TBC1D14: variants seen among roughly 807,000 people sequenced by gnomAD.
TBC1D14 encodes the protein TBC1 domain family, member 14.
In TBC1D14, 26 loss-of-function variants were observed where a neutral mutation model predicts 79.0. That is an observed-to-expected ratio of 0.33 (90% CI 0.24 to 0.46). TBC1D14 has a LOEUF of 0.46. TBC1D14 is among the 20% of genes least tolerant of loss of function. The pLI is 1.00. For synonymous variants in TBC1D14, 394 were observed against 349.9 expected (o/e 1.13, Z -1.40); for missense variants, 769 against 887.6 (o/e 0.87, Z 1.70).
chr4:6,941,824 C>A (rs1458421894), intron 2 of TBC1D14, among the ~76,000 whole-genome samples: 2 of 152,200 alleles, frequency 1.3e-5, no homozygotes, highest in Non-Finnish European at 2.9e-5. Flanking sequence ...TGCAGGCAGC[C>A]TCAGGAAACA....
At chr4:6,936,311 G>A (rs994862283) in intron 2 of TBC1D14, among the ~76,000 whole-genome samples, 4 of 152,166 alleles carry the variant, frequency 2.6e-5, no homozygotes, top group Admixed American at 6.5e-5. Context: ...CCACCTGTCC[G>A]TCTCTCTTTT....
At chr4:6,914,150 AG>A (rs1723211752) in intron 1 of TBC1D14, among the ~76,000 whole-genome samples, 1 of 151,382 alleles carries the variant, frequency 6.6e-6, no homozygotes, top group African/African-American at 2.4e-5. Context: ...AAAAAAAAAA[AG>A]TTCCACCTGT....
chr4:6,975,626 T>G (rs1244979536), intron 3 of TBC1D14, among the ~76,000 whole-genome samples: 3 of 152,172 alleles, frequency 2.0e-5, no homozygotes, highest in Non-Finnish European at 4.4e-5. Context: ...GGGTGCACAC[T>G]TCTGAGATGG....
intron 3 of TBC1D14, among the ~76,000 whole-genome samples, chr4:6,986,035 C>T (rs1285634383): frequency 6.6e-6 from 1 of 152,178 alleles, no homozygotes; most frequent in African/African-American, 2.4e-5. Flanking sequence ...CAAAAAAGTT[C>T]CTTCGTGCCT....
rs113884703 is a variant in TBC1D14 at position 6,993,989 on chromosome 4, G to A, written c.844-195G>A. ...CATGTCATTGCACTCCAGCCTGGGCGACAGAGCGAGACTCCATCTCCAGAA... is the reference window on the plus strand; with the variant it reads ...CATGTCATTGCACTCCAGCCTGGGCAACAGAGCGAGACTCCATCTCCAGAA... On this transcript the variant is annotated intron_variant, in intron 3 of 13. Coordinates refer to ENST00000409757, the MANE Select transcript of TBC1D14 (RefSeq NM_020773.3). Among the ~76,000 whole-genome samples the A allele has an allele frequency of 4.3e-3, 661 of 152,300 alleles. 3 individuals are homozygous for A. The highest frequency in any genetic ancestry group is 0.015 in the African/African-American group (628 of 41,568).
At chr4:6,913,033 G>T (rs1055171448) in intron 1 of TBC1D14, among the ~76,000 whole-genome samples, 3 of 152,258 alleles carry the variant, frequency 2.0e-5, no homozygotes, top group Admixed American at 1.3e-4. Context: ...CGCTCTTGTT[G>T]CCCAGGCTGG....
intron 12 of TBC1D14, among the ~76,000 whole-genome samples, chr4:7,020,137 A>G (rs1475956561): frequency 6.6e-6 from 1 of 150,842 alleles, no homozygotes; most frequent in Non-Finnish European, 1.5e-5. Flanking sequence ...CTCTGGCCTT[A>G]GGTTGGGGAG....
At chr4:6,954,467 G>C in intron 2 of TBC1D14, 1 of 700,288 alleles carries the variant, frequency 1.4e-6, no homozygotes, top group South Asian at 1.5e-5. Flanking sequence ...GTTTCTGTGG[G>C]TCTCCCCCGG....
At chr4:6,974,110 CGCTGGG>C (rs1560296851) in intron 3 of TBC1D14, among the ~76,000 whole-genome samples, 42 of 152,012 alleles carry the variant, frequency 2.8e-4, no homozygotes, top group African/African-American at 8.5e-4. Flanking sequence ...AGACATGAGC[CGCTGGG>C]ATTACAGACA....
At chr4:7,021,630 G>A (rs1200904860) in intron 12 of TBC1D14, among the ~76,000 whole-genome samples, 1 of 150,648 alleles carries the variant, frequency 6.6e-6, no homozygotes, top group African/African-American at 2.4e-5. Flanking sequence ...ATGTTATTTT[G>A]CATTAGTTGA....
intron 8 of TBC1D14, among the ~76,000 whole-genome samples, chr4:7,005,889 G>A (rs1720148356): frequency 6.6e-6 from 1 of 152,160 alleles, no homozygotes; most frequent in Admixed American, 6.5e-5. Flanking sequence ...AACACTGCAT[G>A]TTTGCTAGAT....
In TBC1D14 at chr4:7,019,857, C is replaced by T. The variant is rs75181052; in HGVS notation, c.1758-5147C>T. 5.0e-5 allele frequency among the ~76,000 whole-genome samples: 2 copies of T among 39,792 alleles called. 1 individual carries two copies. The highest frequency in any genetic ancestry group is 3.6e-4 in the African/African-American group (2 of 5,548). 26.1% of individuals were successfully genotyped at this position (39,792 alleles called of 152,430 possible). On this transcript the variant is annotated intron_variant, in intron 12 of 13. Transcript: ENST00000409757. Reference sequence around the variant, plus strand: ...GGCACAGAGGTGGGTATGTGAACCCCGCTGGGCTCAGGTCAGGGAGGACTC... The same window carrying T: ...GGCACAGAGGTGGGTATGTGAACCCTGCTGGGCTCAGGTCAGGGAGGACTC...
chr4:6,913,716 T>G (rs1723177919), intron 1 of TBC1D14, among the ~76,000 whole-genome samples: 1 of 152,246 alleles, frequency 6.6e-6, no homozygotes, highest in African/African-American at 2.4e-5. Context: ...AGTCTAAATA[T>G]CTTCCTAATG....
At chr4:7,016,107 T>G (rs1721256544) in intron 12 of TBC1D14, among the ~76,000 whole-genome samples, 1 of 152,160 alleles carries the variant, frequency 6.6e-6, no homozygotes, top group Non-Finnish European at 1.5e-5. Context: ...AGAGTGTGCC[T>G]TTGGGATTCT....
chr4:6,995,875 C>T (rs6835568), intron 4 of TBC1D14: 4,508 of 147,226 alleles, frequency 0.031, 226 homozygotes, highest in African/African-American at 0.11. Flanking sequence ...CTTGCTCTGT[C>T]GCCCAGGCTG....
intron 3 of TBC1D14, among the ~76,000 whole-genome samples, chr4:6,974,416 A>G (rs1173536158): frequency 6.6e-6 from 1 of 152,200 alleles, no homozygotes; most frequent in Non-Finnish European, 1.5e-5. Flanking sequence ...GGGATTGCAG[A>G]GAGGAGGAGC....
chr4:6,969,406 T>G (rs1326662903), intron 3 of TBC1D14, among the ~76,000 whole-genome samples: 1 of 151,122 alleles, frequency 6.6e-6, no homozygotes, highest in East Asian at 1.9e-4. Context: ...TAAGACCCTG[T>G]TTTTTTTTCT....
intron 12 of TBC1D14, among the ~76,000 whole-genome samples, chr4:7,015,691 G>A (rs760874366): frequency 4.6e-5 from 7 of 152,102 alleles, no homozygotes; most frequent in Non-Finnish European, 1.0e-4. Flanking sequence ...ATCACATGGT[G>A]GGAAGAGGGT....
intron 3 of TBC1D14, among the ~76,000 whole-genome samples, chr4:6,972,765 GCATCT>G (rs1485299050): frequency 7.2e-5 from 11 of 152,288 alleles, no homozygotes; most frequent in Admixed American, 7.2e-4. Flanking sequence ...CACCCCTGGG[GCATCT>G]CAGCTGGACT....
Sources: gnomAD v4.1 joint callset for allele counts (sites outside exome capture counted in the v4.1 genomes callset) on GRCh38, gnomAD v4.1.1 for gene constraint, MANE v1.5 for transcripts, NCBI Gene and HGNC (gene_info 2026-07-23, HGNC 2026-07-21) for gene names.